The following SDK1 variants were observed in gnomAD, a reference collection of about 807,000 sequenced individuals.
SDK1 encodes the protein sidekick cell adhesion molecule 1.
SDK1 carries 157 observed loss-of-function variants against 245.5 expected under a neutral mutation model. The observed-to-expected ratio is 0.64, with a 90% CI of 0.56 to 0.73. The LOEUF (loss-of-function observed/expected upper bound fraction) is 0.73. Among genes scored for constraint, SDK1 ranks in the 30% least tolerant of loss-of-function variants. The pLI, the probability that SDK1 is intolerant of heterozygous loss-of-function variation, is 0.00. For missense variants in SDK1, 3,583 were observed against 3,002.3 expected (o/e 1.19, Z -4.52); for synonymous variants, 1,647 against 1,278.5 (o/e 1.29, Z -6.15).
chr7:3,571,606 A>G (rs992940962), intron 1 of SDK1, among the ~76,000 whole-genome samples: 1 of 152,092 alleles, frequency 6.6e-6, no homozygotes, highest in Non-Finnish European at 1.5e-5. Context: ...ATCTGGCCTG[A>G]AAGCAGCCTT....
chr7:3,399,598 C>T (rs773645618), intron 1 of SDK1, among the ~76,000 whole-genome samples: 10 of 152,122 alleles, frequency 6.6e-5, no homozygotes, highest in African/African-American at 2.4e-4. Context: ...GATAAGGCTG[C>T]TGTTACTTCG....
At chr7:3,320,850 G>T (rs936019136) in intron 1 of SDK1, among the ~76,000 whole-genome samples, 2 of 152,022 alleles carry the variant, frequency 1.3e-5, no homozygotes, top group Non-Finnish European at 2.9e-5. Context: ...GTATGTTTCA[G>T]GAATTGGAGA....
At chr7:4,137,368 GTCT>G (rs1779161922) in intron 28 of SDK1, among the ~76,000 whole-genome samples, 1 of 152,216 alleles carries the variant, frequency 6.6e-6, no homozygotes, top group Non-Finnish European at 1.5e-5. Flanking sequence ...TGCGGCGTCA[GTCT>G]TCAGGCTGAC....
At position 3,620,946 on chromosome 7, in the gene SDK1, T is replaced by C. The variant is rs574793449; in HGVS notation, c.458+1707T>C. 1.4e-4 allele frequency among the ~76,000 whole-genome samples: 22 copies of C among 152,294 alleles called. No individual in the cohort carries two copies. In the South Asian group the frequency reaches 4.4e-3, roughly 30 times the overall value. ...CATAGTAGATCATAGCATGTTGAAA[T>C]CAAACAGTCCTGAATCCTAGGACTG... On this transcript the variant is annotated intron_variant, in intron 2 of 44. Transcript: ENST00000404826.
intron 5 of SDK1, among the ~76,000 whole-genome samples, chr7:3,906,617 CTTTTTTTTTTTTTTTT>C (rs71032914): frequency 1.7e-5 from 1 of 57,250 alleles, no homozygotes; most frequent in Non-Finnish European, 3.1e-5. Flanking sequence ...ATTTCAGTGT[CTTTTTTTTTTTTTTTT>C]TTTTTTTTTT....
rs141148128 is a variant in SDK1, at chr7:4,155,934, C to T, written c.4626-2514C>T. Among the ~76,000 whole-genome samples, 49 of 152,220 alleles carry T rather than the reference C, an allele frequency of 3.2e-4. No individual in the cohort carries two copies. In the East Asian group the frequency reaches 4.1e-3, roughly 13 times the overall value. Reference sequence around the variant, plus strand: ...GAAGATGAAGGGAAGGAACAGGGCACGGGGGACAGCAGGCAGGGCCATCTG... The same window carrying T: ...GAAGATGAAGGGAAGGAACAGGGCATGGGGGACAGCAGGCAGGGCCATCTG... On this transcript the variant is annotated intron_variant, in intron 30 of 44. Coordinates refer to ENST00000404826, the MANE Select transcript of SDK1 (RefSeq NM_152744.4).
At chr7:3,875,611 T>C (rs1781056899) in intron 5 of SDK1, among the ~76,000 whole-genome samples, 1 of 152,166 alleles carries the variant, frequency 6.6e-6, no homozygotes, top group East Asian at 1.9e-4. Context: ...CTCAGCTCTA[T>C]GGGTTCCACG....
chr7:3,747,957 G>A (rs1428975807), intron 4 of SDK1, among the ~76,000 whole-genome samples: 16 of 152,036 alleles, frequency 1.1e-4, no homozygotes, highest in Admixed American at 1.0e-3. Context: ...AAACTGATAC[G>A]AAAAATAATG....
At chr7:3,845,082 A>G (rs1369003713) in intron 5 of SDK1, among the ~76,000 whole-genome samples, 2 of 152,200 alleles carry the variant, frequency 1.3e-5, no homozygotes, top group African/African-American at 4.8e-5. Flanking sequence ...GCAGCTTCGG[A>G]GAGCGGAGGT....
intron 30 of SDK1, 25 bp downstream of exon 30, chr7:4,149,488 C>T (rs765862290): frequency 7.0e-7 from 1 of 1,420,376 alleles, no homozygotes; most frequent in Non-Finnish European, 9.3e-7. Context: ...GGAGCACCTC[C>T]CCGGGGAACG....
At chr7:3,432,620 G>A (rs1422775146) in intron 1 of SDK1, among the ~76,000 whole-genome samples, 1 of 152,152 alleles carries the variant, frequency 6.6e-6, no homozygotes, top group Non-Finnish European at 1.5e-5. Flanking sequence ...AAAAACCTGT[G>A]TCTGGCTCAA....
chr7:4,164,752 C>G (rs1199383860), intron 32 of SDK1, among the ~76,000 whole-genome samples: 2 of 152,214 alleles, frequency 1.3e-5, no homozygotes, highest in African/African-American at 4.8e-5. Context: ...CCCCTTGGTG[C>G]TGCTGGACAG....
chr7:3,557,367 A>G (rs193259490), intron 1 of SDK1, among the ~76,000 whole-genome samples: 1 of 152,302 alleles, frequency 6.6e-6, no homozygotes, highest in African/African-American at 2.4e-5. Context: ...AAAACTGCAA[A>G]CTAATACTCA....
intron 40 of SDK1, among the ~76,000 whole-genome samples, chr7:4,226,759 G>A (rs1785472351): frequency 6.6e-6 from 1 of 152,168 alleles, no homozygotes; most frequent in African/African-American, 2.4e-5. Context: ...ATATGCAGAT[G>A]ATCTATTTAC....
At chr7:3,351,666 G>A (rs1425313246) in intron 1 of SDK1, among the ~76,000 whole-genome samples, 1 of 152,234 alleles carries the variant, frequency 6.6e-6, no homozygotes, top group East Asian at 1.9e-4. Context: ...AGAAATCAAG[G>A]CAAAAGGCAT....
chr7:3,472,985 C>A (rs1042914618), intron 1 of SDK1, among the ~76,000 whole-genome samples: 13 of 152,178 alleles, frequency 8.5e-5, no homozygotes, highest in African/African-American at 3.1e-4. Flanking sequence ...GACCCTTTCC[C>A]TTCCTCCTCT....
intron 17 of SDK1, among the ~76,000 whole-genome samples, chr7:4,028,336 C>A (rs1431603753): frequency 6.6e-6 from 1 of 152,144 alleles, no homozygotes; most frequent in Non-Finnish European, 1.5e-5. Flanking sequence ...AGGGCTTGTA[C>A]CCACGGAGGA....
intron 1 of SDK1, among the ~76,000 whole-genome samples, chr7:3,557,580 A>C (rs1431589146): frequency 6.6e-6 from 1 of 152,220 alleles, no homozygotes; most frequent in African/African-American, 2.4e-5. Context: ...AGTAAATATC[A>C]AACTGAGGAA....
At chr7:4,123,141 G>A (rs140450458) in intron 25 of SDK1, among the ~76,000 whole-genome samples, 32 of 152,236 alleles carry the variant, frequency 2.1e-4, no homozygotes, top group African/African-American at 4.1e-4. Context: ...GGAGAATTGG[G>A]CACTCACAGT....
Sources: allele counts gnomAD v4.1 joint callset (sites outside exome capture counted in the v4.1 genomes callset), GRCh38; gene constraint gnomAD v4.1.1; transcripts MANE v1.5; gene names NCBI Gene and HGNC (gene_info 2026-07-23, HGNC 2026-07-21).